NOL6: variants seen among roughly 807,000 people sequenced by gnomAD.
NOL6 encodes nucleolar RNA-associated protein.
A neutral mutation model predicts 131.7 loss-of-function variants in NOL6; 33 were observed. The ratio of observed to expected loss-of-function variants is 0.25; its 90% CI spans 0.19 to 0.33. NOL6 has a LOEUF of 0.33. NOL6 is among the 10% of genes least tolerant of loss of function. NOL6 has a pLI of 1.00. For missense variants in NOL6, 1,297 were observed against 1,494.5 expected (o/e 0.87, Z 2.18); for synonymous variants, 580 against 605.7 (o/e 0.96, Z 0.62).
Position 33,468,000 on chromosome 9 carries a change from G to A in NOL6, c.1424+30C>T, listed in dbSNP as rs746334145. 9.5e-5 allele frequency: 154 copies of A among 1,613,820 alleles called. No individual in the cohort carries two copies. The highest frequency in any genetic ancestry group is 1.3e-4 in the Non-Finnish European group (150 of 1,179,940). On this transcript the variant is annotated intron_variant, in intron 11 of 25. Coordinates refer to ENST00000297990, the MANE Select transcript of NOL6 (RefSeq NM_022917.5). The surrounding 1 kb of genome is among the most constrained non-coding windows in gnomAD (Gnocchi z 4.4). ...CTGTAGCCCCGAAGAGACAGGACCCGCCAACATACCCTGTCACCCCTAAAC... is the reference window on the plus strand; with the variant it reads ...CTGTAGCCCCGAAGAGACAGGACCCACCAACATACCCTGTCACCCCTAAAC...
At position 33,464,970 on chromosome 9, in the gene NOL6, G is replaced by C; in HGVS notation, c.2688C>G (p.Pro896=). ...HPEPFTPPSS[P]QVGFLRFLFL... ...AAAGGAATCGAAGGAAGCCAACCTG[G>C]GGGGAACTAAAGGGCTGGAGTAAGC... Residue 896 remains proline, a synonymous_variant, in exon 21 of 26, where the codon CCC becomes CCG. Transcript: ENST00000297990. The C allele has an allele frequency of 6.2e-7, 1 of 1,613,436 alleles. No individual in the cohort carries two copies. The highest frequency in any genetic ancestry group is 8.5e-7 in the Non-Finnish European group (1 of 1,179,538).
In NOL6 at chr9:33,467,991, AC is replaced by A; in HGVS notation, c.1424+38del. The A allele has an allele frequency of 6.2e-7, 1 of 1,613,812 alleles. No homozygotes were observed. Among genetic ancestry groups the A allele is most frequent in the Non-Finnish European group, 8.5e-7 (1 of 1,179,870 alleles). ...GCCCCACCACTGTAGCCCCGAAGAG[AC>A]AGGACCCGCCAACATACCCTGTCAC... On this transcript the variant is annotated intron_variant, in intron 11 of 25. Transcript: ENST00000297990. This position sits in a 1 kb window ranked among gnomAD's most constrained non-coding sequence, Gnocchi z 4.4.
rs1057315392 is a variant in NOL6, at chr9:33,468,692, G to A, written c.1147+60C>T. 9 of 1,612,236 alleles carry A rather than the reference G, an allele frequency of 5.6e-6. No homozygotes were observed. The South Asian group carries it at 7.7e-5, about 14-fold the overall frequency. ...GCAAAACACCAAAAGACTGCTACTG[G>A]GATGAGAGGATTCCCAGGAGGAGTG... On this transcript the variant is annotated intron_variant, in intron 8 of 25. Coordinates refer to ENST00000297990, the MANE Select transcript of NOL6 (RefSeq NM_022917.5).
Position 33,467,014 on chromosome 9 carries a change from G to A in NOL6, c.1875-27C>T. 6.2e-7 allele frequency: 1 copy of A among 1,614,078 alleles called. No individual in the cohort carries two copies. Among genetic ancestry groups the A allele is most frequent in the South Asian group, 1.1e-5 (1 of 91,058 alleles). On this transcript the variant is annotated intron_variant, in intron 14 of 25. Coordinates refer to ENST00000297990, the MANE Select transcript of NOL6 (RefSeq NM_022917.5). This position sits in a 1 kb window ranked among gnomAD's most constrained non-coding sequence, Gnocchi z 4.4. The stretch of plus-strand genomic sequence containing the variant: ...TGAAAAAGAGGCAGAGACACAGTGA[G>A]AAAATTTGGGGCTATGTTCTCGCTC...
At position 33,463,375 on chromosome 9, in the gene NOL6, G is replaced by T; in HGVS notation, c.3061C>A (p.Arg1021=). 6.2e-7 allele frequency: 1 copy of T among 1,614,094 alleles called. No individual in the cohort carries two copies. Among genetic ancestry groups the T allele is most frequent in the Non-Finnish European group, 8.5e-7 (1 of 1,179,984 alleles). The part of the protein sequence containing the change: ...LIRLSPRHIP[R]HRQAVDSPAA... ...GGCGAGTCCACAGCCTGGCGGTGCCGCGGGATATGGCGAGGAGACAGGCGA... is the reference window on the plus strand; with the variant it reads ...GGCGAGTCCACAGCCTGGCGGTGCCTCGGGATATGGCGAGGAGACAGGCGA... The change falls in exon 24 of 26, where the codon CGG becomes AGG. Residue 1021 remains arginine (R), a synonymous_variant. Transcript: ENST00000297990.
intron 20 of NOL6, 106 bp downstream of exon 20, chr9:33,465,101 C>G: frequency 2.0e-6 from 3 of 1,476,202 alleles, no homozygotes; most frequent in Non-Finnish European, 2.8e-6. Context: ...ACCCCTTCTG[C>G]CACTTGCTCA....
At chr9:33,464,568 T>C (rs1827189792) in intron 21 of NOL6, among the ~76,000 whole-genome samples, 1 of 151,932 alleles carries the variant, frequency 6.6e-6, no homozygotes, top group Admixed American at 6.6e-5. Context: ...TCTGAGTATC[T>C]GTGCTACACT....
At position 33,462,376 on chromosome 9, in the gene NOL6, T is replaced by C. The variant is rs1827116425; in HGVS notation, c.*288A>G. ...CAGGGAGGTCCAGGCCCAGGGCTAA[T>C]AGGTGGATGGATCTCCTGGGTTCAG... On this transcript the variant is annotated 3_prime_UTR_variant, in exon 26 of 26. Transcript: ENST00000297990. The C allele has an allele frequency of 3.0e-5, 19 of 636,356 alleles. No homozygotes were observed. The South Asian group carries it at 3.0e-4, about 10-fold the overall frequency. 39.4% of individuals were successfully genotyped at this position (636,356 alleles called of 1,614,324 possible). A position where few individuals can be genotyped will look rare whatever the true frequency, so the allele number is the denominator to read the frequency against.
Position 33,466,238 on chromosome 9 carries a change from A to C in NOL6, c.2210-13T>G. The C allele has an allele frequency of 1.2e-6, 2 of 1,610,564 alleles. No homozygotes were observed. Among genetic ancestry groups the C allele is most frequent in the Non-Finnish European group, 1.7e-6 (2 of 1,177,706 alleles). On this transcript the variant is annotated splice_polypyrimidine_tract_variant and intron_variant, in intron 17 of 25. Coordinates refer to ENST00000297990, the MANE Select transcript of NOL6 (RefSeq NM_022917.5). Reference sequence around the variant, plus strand: ...AGGTGACAAACCACTGAGGAAGAAGAGTCAGAGGTCTCATACTGTGGCCTG... The same window carrying C: ...AGGTGACAAACCACTGAGGAAGAAGCGTCAGAGGTCTCATACTGTGGCCTG...
chr9:33,465,322 G>A lies in NOL6; in HGVS notation c.2566C>T (p.Arg856Trp). The change falls in exon 20 of 26, where the codon CGG (arginine) becomes TGG (tryptophan). Residue 856 changes from arginine to tryptophan, a missense_variant. Physicochemically the swap from Arg to Trp is moderately radical, Grantham distance 101. Transcript: ENST00000297990. ...GCACGCACCCACCGCTTGGCCAGCC[G>A]TGCCACACCAGAGAAGGCTGGGTGC... ...QQHPAFSGVARLAKRWVRAQL... is the reference protein window; with the variant it reads ...QQHPAFSGVAWLAKRWVRAQL... The A allele has an allele frequency of 2.5e-6, 4 of 1,593,048 alleles. No individual in the cohort carries two copies. Among genetic ancestry groups the A allele is most frequent in the African/African-American group, 1.3e-5 (1 of 74,540 alleles).
chr9:33,468,065 G>A lies in NOL6; in HGVS notation c.1389C>T (p.Pro463=), dbSNP rs1827298994. The A allele has an allele frequency of 2.5e-6, 4 of 1,614,146 alleles. No homozygotes were observed. Among genetic ancestry groups the A allele is most frequent in the Non-Finnish European group, 3.4e-6 (4 of 1,180,022 alleles). ...DDGFHLLLMT[P]KPMIRAFDHV... ...GGTCAAAAGCCCGGATCATGGGTTT[G>A]GGAGTCATCAACAGCAGGTGGAACC... Residue 463 remains proline, a synonymous_variant, in exon 11 of 26, where the codon CCC becomes CCT. Coordinates refer to ENST00000297990, the MANE Select transcript of NOL6 (RefSeq NM_022917.5).
rs777086364 is a variant in NOL6, at chr9:33,473,862, T to A, written c.-20A>T. 1.7e-5 allele frequency: 27 copies of A among 1,594,258 alleles called. No homozygotes were observed. The highest frequency in any genetic ancestry group is 2.0e-5 in the Non-Finnish European group (24 of 1,179,748). On this transcript the variant is annotated 5_prime_UTR_variant, in exon 1 of 26. Transcript: ENST00000297990. ...CCCCATCACTCAGGGTCCAGCACTCTCCCGCACTTCAGATTCTAGCCGGGT... is the reference window on the plus strand; with the variant it reads ...CCCCATCACTCAGGGTCCAGCACTCACCCGCACTTCAGATTCTAGCCGGGT...
rs567350045 is a variant in NOL6 at position 33,461,707 on chromosome 9, G to A, written c.*957C>T. 6.2e-6 allele frequency: 1 copy of A among 162,002 alleles called. No individual in the cohort carries two copies. The highest frequency in any genetic ancestry group is 2.4e-5 in the African/African-American group (1 of 42,020). 10.0% of individuals were successfully genotyped at this position (162,002 alleles called of 1,614,324 possible). A position where few individuals can be genotyped will look rare whatever the true frequency, so the allele number is the denominator to read the frequency against. On this transcript the variant is annotated 3_prime_UTR_variant, in exon 26 of 26. Coordinates refer to ENST00000297990, the MANE Select transcript of NOL6 (RefSeq NM_022917.5). ...TTCAGAGGAGGGAAAGATCACCTCAGGCTGGGGGCGAGGGATGGGCTTAAG... is the reference window on the plus strand; with the variant it reads ...TTCAGAGGAGGGAAAGATCACCTCAAGCTGGGGGCGAGGGATGGGCTTAAG...
Position 33,464,911 on chromosome 9 carries a change from G to A in NOL6, c.2747C>T (p.Pro916Leu), listed in dbSNP as rs773120244. The A allele has an allele frequency of 6.2e-7, 1 of 1,613,964 alleles. No individual in the cohort carries two copies. The highest frequency in any genetic ancestry group is 1.1e-5 in the South Asian group (1 of 91,066). ...CTCATTATTGAGGTTGACAAAGAGG[G>A]GGTTGTTCTTCCAATCAAACGTTGA... is the stretch of plus-strand genomic sequence containing the variant. The part of the protein sequence containing the change: ...LVSTFDWKNN[P>L]LFVNLNNELT... Residue 916 changes from proline (P) to leucine (L), a missense_variant, in exon 21 of 26, where the codon CCC becomes CTC. Physicochemically the swap from Pro to Leu is moderately conservative, Grantham distance 98. Transcript: ENST00000297990.
At chr9:33,468,007 T>C (rs776058018) in intron 11 of NOL6, 23 bp downstream of exon 11, 1 of 1,614,034 alleles carries the variant, frequency 6.2e-7, no homozygotes, top group East Asian at 2.2e-5. Flanking sequence ...CCCGCCAACA[T>C]ACCCTGTCAC....
In NOL6 at chr9:33,462,563, G is replaced by T; in HGVS notation, c.*101C>A. On this transcript the variant is annotated 3_prime_UTR_variant, in exon 26 of 26. Coordinates refer to ENST00000297990, the MANE Select transcript of NOL6 (RefSeq NM_022917.5). ...CATGTTCAGCCAGCAGGCCCTCCAT[G>T]GAGGATTCATGTCCAAGGAGGGTGG... 1.5e-6 allele frequency: 2 copies of T among 1,372,080 alleles called. No individual in the cohort carries two copies. The highest frequency in any genetic ancestry group is 2.0e-6 in the Non-Finnish European group (2 of 989,478). 85.0% of individuals were successfully genotyped at this position (1,372,080 alleles called of 1,614,324 possible). A position where few individuals can be genotyped will look rare whatever the true frequency, so the allele number is the denominator to read the frequency against.
rs1429292389 is a variant in NOL6, at chr9:33,463,266, A to T, written c.3170T>A (p.Leu1057His). The change falls in exon 24 of 26, where the codon CTC (leucine) becomes CAC (histidine). Residue 1057 changes from leucine to histidine, a missense_variant. By Grantham distance (99) the Leu-to-His change is moderately conservative (BLOSUM62 -3). Coordinates refer to ENST00000297990, the MANE Select transcript of NOL6 (RefSeq NM_022917.5). ...MPVLGYDPPQ[L>H]YLTQLREAFG... Reference sequence around the variant, plus strand: ...ACCAACCCTGAGCTGCGTCAGATAGAGCTGAGGAGGATCATAGCCCAGCAC... The same window carrying T: ...ACCAACCCTGAGCTGCGTCAGATAGTGCTGAGGAGGATCATAGCCCAGCAC... 6.2e-7 allele frequency: 1 copy of T among 1,613,888 alleles called. No individual in the cohort carries two copies. Among genetic ancestry groups the T allele is most frequent in the East Asian group, 2.2e-5 (1 of 44,876 alleles).
Position 33,465,875 on chromosome 9 carries a change from C to T in NOL6, c.2387G>A (p.Arg796His), listed in dbSNP as rs759611145. The T allele has an allele frequency of 1.6e-5, 26 of 1,613,730 alleles. No homozygotes were observed. Among genetic ancestry groups the T allele is most frequent in the East Asian group, 4.5e-5 (2 of 44,892 alleles). ...CTGGGGCTCCCGCTGATAGGCCACG[C>T]GAATCCGAAACACAAATCCATCCTG... ...VLKDGFVFRI[R>H]VAYQREPQIL... Residue 796 changes from arginine to histidine, a missense_variant, in exon 19 of 26, where the codon CGC becomes CAC. Arg to His is a conservative substitution (Grantham distance 29). Coordinates refer to ENST00000297990, the MANE Select transcript of NOL6 (RefSeq NM_022917.5).
At chr9:33,463,163 T>C (rs748444559) in intron 24 of NOL6, 29 bp from the exon 25 acceptor site, 9 of 1,608,782 alleles carry the variant, frequency 5.6e-6, no homozygotes, top group South Asian at 3.3e-5. Flanking sequence ...GAGAAGATTA[T>C]AGGCAGGCAT....
Sources: gnomAD v4.1 joint callset for allele counts (sites outside exome capture counted in the v4.1 genomes callset) on GRCh38, gnomAD v4.1.1 for gene constraint, Gnocchi (gnomAD v3.1) non-coding constraint, MANE v1.5 for transcripts, NCBI Gene and HGNC (gene_info 2026-07-23, HGNC 2026-07-21) for gene names.